The following NFIB variants were observed in gnomAD, a reference collection of about 807,000 sequenced individuals.
NFIB encodes the protein nuclear factor I B, also known as nuclear factor 1 B-type.
NFIB carries 11 observed loss-of-function variants against 61.5 expected under a neutral mutation model. That is an observed-to-expected ratio of 0.18 (90% CI 0.11 to 0.30). NFIB has a LOEUF of 0.30. Among genes scored for constraint, NFIB ranks in the 10% least tolerant of loss-of-function variants. The pLI is 1.00. For synonymous variants in NFIB, 260 were observed against 216.5 expected (o/e 1.20, Z -1.76); for missense variants, 471 against 608.9 (o/e 0.77, Z 2.38).
At position 14,130,757 on chromosome 9, in the gene NFIB, G is replaced by C. The variant is rs559765056; in HGVS notation, c.926-4991C>G. ...CTAGGCAGCTTATTTTAGAATCTCT[G>C]GCATGTGAAAGAAACTGTATTATGA... On this transcript the variant is annotated intron_variant, in intron 6 of 10. Transcript: ENST00000380953. 3.3e-5 allele frequency among the ~76,000 whole-genome samples: 5 copies of C among 152,142 alleles called. No homozygotes were observed. The East Asian group carries it at 9.7e-4, about 29-fold the overall frequency.
chr9:14,128,199 C>T (rs1282252216), intron 6 of NFIB, among the ~76,000 whole-genome samples: 2 of 152,064 alleles, frequency 1.3e-5, no homozygotes, highest in Non-Finnish European at 1.5e-5. Flanking sequence ...TCTATTCTGT[C>T]TTTCTTGTTA....
intron 3 of NFIB, among the ~76,000 whole-genome samples, chr9:14,157,252 G>T (rs952499023): frequency 6.6e-6 from 1 of 152,120 alleles, no homozygotes; most frequent in Non-Finnish European, 1.5e-5. Context: ...AGTCCAAAAT[G>T]ATCCGCAAAT....
the NFIB span, among the ~76,000 whole-genome samples, chr9:14,507,716 T>C: frequency 6.6e-6 from 1 of 152,164 alleles, no homozygotes; most frequent in South Asian, 2.1e-4. Flanking sequence ...TTAGGTTTTT[T>C]GAGGAGAGTG....
At chr9:14,431,648 T>TA in the NFIB span, among the ~76,000 whole-genome samples, 1 of 148,874 alleles carries the variant, frequency 6.7e-6, no homozygotes, top group Non-Finnish European at 1.5e-5. Flanking sequence ...TTTTTTTTTT[T>TA]ACTGTGAGAG....
chr9:14,355,132 A>G (rs898093152), intron 1 of NFIB, among the ~76,000 whole-genome samples: 1 of 152,170 alleles, frequency 6.6e-6, no homozygotes, highest in African/African-American at 2.4e-5. Context: ...TTACAGGCTG[A>G]ACTGTGCCAC....
chr9:14,245,168 A>C, intron 2 of NFIB, among the ~76,000 whole-genome samples: 1 of 152,174 alleles, frequency 6.6e-6, no homozygotes, highest in Non-Finnish European at 1.5e-5. Context: ...AAAAAAACTG[A>C]ACAACTCACC....
intron 1 of NFIB, among the ~76,000 whole-genome samples, chr9:14,392,775 T>C (rs988831021): frequency 6.6e-6 from 1 of 152,120 alleles, no homozygotes; most frequent in African/African-American, 2.4e-5. Context: ...AGGGTGGTTA[T>C]TCTCATAACA....
intron 2 of NFIB, among the ~76,000 whole-genome samples, chr9:14,243,922 A>G (rs1373077024): frequency 6.6e-6 from 1 of 152,238 alleles, no homozygotes; most frequent in Non-Finnish European, 1.5e-5. Flanking sequence ...TGACATTGGT[A>G]GCAGAATTAA....
At chr9:14,240,900 C>T (rs943776367) in intron 2 of NFIB, among the ~76,000 whole-genome samples, 4 of 152,142 alleles carry the variant, frequency 2.6e-5, no homozygotes, top group Non-Finnish European at 4.4e-5. Context: ...CAAGTGACAG[C>T]GTAAGATGGA....
intron 1 of NFIB, among the ~76,000 whole-genome samples, chr9:14,379,140 ATC>A (rs1419188271): frequency 1.3e-5 from 2 of 152,192 alleles, no homozygotes; most frequent in African/African-American, 4.8e-5. Flanking sequence ...CATCTGGTGT[ATC>A]TCTCTTTCTA....
chr9:14,370,744 C>T (rs2061348687), intron 1 of NFIB, among the ~76,000 whole-genome samples: 2 of 152,210 alleles, frequency 1.3e-5, no homozygotes, highest in South Asian at 4.1e-4. Context: ...TCACCTTTGC[C>T]ATAGGGCTTT....
chr9:14,343,856 C>T lies in NFIB; in HGVS notation c.109-36336G>A, dbSNP rs376476515. Among the ~76,000 whole-genome samples, 9 of 151,660 alleles carry T rather than the reference C, an allele frequency of 5.9e-5. No homozygotes were observed. The East Asian group carries it at 1.4e-3, about 23-fold the overall frequency. On this transcript the variant is annotated intron_variant, in intron 1 of 8. Coordinates refer to the NFIB transcript ENST00000380934. ...GTCGGGGGGGGAAGTGTGCCAGAAA[C>T]CTTATAGAAAGAGAGCAAAGAACTG...
intron 3 of NFIB, among the ~76,000 whole-genome samples, chr9:14,178,401 T>C (rs1013770543): frequency 6.6e-6 from 1 of 152,120 alleles, no homozygotes; most frequent in Non-Finnish European, 1.5e-5. Flanking sequence ...TAAATTTAAC[T>C]GGGAATTACA....
intron 1 of NFIB, among the ~76,000 whole-genome samples, chr9:14,372,469 T>C (rs139206183): frequency 6.6e-6 from 1 of 152,356 alleles, no homozygotes; most frequent in Admixed American, 6.5e-5. Flanking sequence ...ATCAAGCTTT[T>C]CAATTTTAAA....
At chr9:14,434,110 T>C in the NFIB span, among the ~76,000 whole-genome samples, 2 of 152,234 alleles carry the variant, frequency 1.3e-5, no homozygotes, top group Non-Finnish European at 2.9e-5. Flanking sequence ...ACGTACATTT[T>C]CTTAATATTT....
intron 2 of NFIB, among the ~76,000 whole-genome samples, chr9:14,278,338 T>G (rs946620242): frequency 6.6e-6 from 1 of 152,214 alleles, no homozygotes; most frequent in African/African-American, 2.4e-5. Flanking sequence ...CATTGTTAAT[T>G]GAGTCGTGCG....
At chr9:14,385,041 C>T (rs768753136) in intron 1 of NFIB, among the ~76,000 whole-genome samples, 2 of 152,216 alleles carry the variant, frequency 1.3e-5, no homozygotes, top group Non-Finnish European at 2.9e-5. Context: ...AAATATGAGG[C>T]ATTCGCTCCA....
In NFIB at chr9:14,084,712, G is replaced by C. The variant is rs2032568903; in HGVS notation, c.*3597C>G. On this transcript the variant is annotated 3_prime_UTR_variant, in exon 11 of 11. Transcript: ENST00000380953. ...CCTGAAGCTCTGCAGTTCTGGGTAA[G>C]GGAGGGGCGTGCAAGACCTGCAAAA... is the stretch of plus-strand genomic sequence containing the variant. 4.4e-6 allele frequency: 1 copy of C among 229,804 alleles called. No individual in the cohort carries two copies. Among genetic ancestry groups the C allele is most frequent in the African/African-American group, 2.2e-5 (1 of 45,128 alleles). 14.2% of individuals were successfully genotyped at this position (229,804 alleles called of 1,614,324 possible).
Position 14,294,044 on chromosome 9 carries a change from T to C in NFIB, c.562+12945A>G, listed in dbSNP as rs561799151. 8.0e-5 allele frequency among the ~76,000 whole-genome samples: 12 copies of C among 150,174 alleles called. No homozygotes were observed. In the East Asian group the frequency reaches 2.3e-3, roughly 29 times the overall value. ...CCCAAAATATGTTTCTCCATGCACA[T>C]GTTTTATATTATACGAATGTTGGAC... On this transcript the variant is annotated intron_variant, in intron 2 of 10. Transcript: ENST00000380953.
Sources: allele counts gnomAD v4.1 joint callset (sites outside exome capture counted in the v4.1 genomes callset), GRCh38; gene constraint gnomAD v4.1.1; transcripts MANE v1.5; gene names NCBI Gene and HGNC (gene_info 2026-07-23, HGNC 2026-07-21).